IFT22: variants seen among roughly 807,000 people sequenced by gnomAD.
IFT22 encodes intraflagellar transport protein 22 homolog.
Under a neutral mutation model 21.0 loss-of-function variants are expected in IFT22, and 13 were observed. The observed-to-expected ratio is 0.62, with a 90% CI of 0.40 to 0.98. The LOEUF (loss-of-function observed/expected upper bound fraction) is 0.98. IFT22 is among the 50% of genes least tolerant of loss of function. IFT22 has a pLI of 0.00. For synonymous variants in IFT22, 67 were observed against 82.4 expected (o/e 0.81, Z 1.01); for missense variants, 227 against 228.9 (o/e 0.99, Z 0.06).
intron 4 of IFT22, chr7:101,315,686 G>C: frequency 4.6e-6 from 1 of 215,524 alleles, no homozygotes. Flanking sequence ...TTCCCACTCT[G>C]TATTCTGCTC....
At chr7:101,318,578 T>A in intron 2 of IFT22, 1 of 269,978 alleles carries the variant, frequency 3.7e-6, no homozygotes. Context: ...ACTTTTGGAA[T>A]GCCAACAGCA....
At chr7:101,318,093 G>T in intron 3 of IFT22, 31 bp downstream of exon 3, 1 of 1,580,424 alleles carries the variant, frequency 6.3e-7, no homozygotes, top group Non-Finnish European at 8.7e-7. Context: ...TAAACCATTT[G>T]ATGAAGTGAC....
chr7:101,315,447 C>T (rs374004645), intron 4 of IFT22, 165 bp from the exon 5 acceptor site: 13 of 706,036 alleles, frequency 1.8e-5, no homozygotes, highest in Admixed American at 1.1e-4. Flanking sequence ...TGCCCCCTGG[C>T]GACAGGATGA....
At position 101,310,933 on chromosome 7, in the gene IFT22, C is replaced by T. The variant is rs568873769; in HGVS notation, c.*4201G>A. Reference sequence around the variant, plus strand: ...AAAATCTGAAGGCTTTTACTCAATTCAAATATTTAATGGGTTGTACTCTGG... The same window carrying T: ...AAAATCTGAAGGCTTTTACTCAATTTAAATATTTAATGGGTTGTACTCTGG... On this transcript the variant is annotated 3_prime_UTR_variant, in exon 5 of 5. Coordinates refer to ENST00000315322, the MANE Select transcript of IFT22 (RefSeq NM_022777.4). The T allele has an allele frequency of 2.6e-6, 1 of 383,190 alleles. No individual in the cohort carries two copies. The highest frequency in any genetic ancestry group is 1.9e-5 in the South Asian group (1 of 52,602). The allele number at this position is 383,190 out of a possible 1,614,324, so 23.7% of individuals were successfully genotyped here.
Position 101,318,170 on chromosome 7 carries a change from C to G in IFT22, c.160G>C (p.Gly54Arg), listed in dbSNP as rs1790218502. The G allele has an allele frequency of 6.2e-7, 1 of 1,613,378 alleles. No homozygotes were observed. The highest frequency in any genetic ancestry group is 8.5e-7 in the Non-Finnish European group (1 of 1,179,576). The change falls in exon 3 of 5, where the codon GGC becomes CGC. Residue 54 changes from glycine to arginine, a missense_variant. Gly to Arg is a moderately radical substitution (Grantham distance 125). Transcript: ENST00000315322. ...ENPHVTSNNKGTGCEFELWDC... is the reference protein window; with the variant it reads ...ENPHVTSNNKRTGCEFELWDC... ...CATAGCTCGAATTCACAGCCCGTGC[C>G]TTTGTTGTTGCTGGTAACATGCGGG...
chr7:101,321,412 G>A (rs1790343672), intron 1 of IFT22: 5 of 507,960 alleles, frequency 9.8e-6, no homozygotes, highest in Admixed American at 3.8e-5. Context: ...TGGTTCCAAT[G>A]ATGCCACTCA....
At chr7:101,316,598 T>G in intron 3 of IFT22, 56 bp from the exon 4 acceptor site, 1 of 1,564,682 alleles carries the variant, frequency 6.4e-7, no homozygotes, top group Middle Eastern at 1.7e-4. Context: ...TTTCTAACTG[T>G]GGACTTTAAA....
chr7:101,321,136 CTG>C (rs1790333648), intron 1 of IFT22, among the ~76,000 whole-genome samples: 1 of 151,968 alleles, frequency 6.6e-6, no homozygotes, highest in Non-Finnish European at 1.5e-5. Flanking sequence ...GGGCGAGACT[CTG>C]TCTCAAAAAA....
intron 1 of IFT22, among the ~76,000 whole-genome samples, chr7:101,320,722 G>A (rs1790316770): frequency 6.6e-6 from 1 of 152,106 alleles, no homozygotes; most frequent in Admixed American, 6.6e-5. Context: ...AAACGCCCAG[G>A]ACTCGAGCAA....
Position 101,311,308 on chromosome 7 carries a change from G to C in IFT22, c.*3826C>G, listed in dbSNP as rs1247402302. Reference sequence around the variant, plus strand: ...GCCTGGCCTTGGGTTGTTATACTGGGGTCTTGAATAATCATTAAAGGTGAA... The same window carrying C: ...GCCTGGCCTTGGGTTGTTATACTGGCGTCTTGAATAATCATTAAAGGTGAA... On this transcript the variant is annotated 3_prime_UTR_variant, in exon 5 of 5. Coordinates refer to ENST00000315322, the MANE Select transcript of IFT22 (RefSeq NM_022777.4). 6.6e-6 allele frequency among the ~76,000 whole-genome samples: 1 copy of C among 151,972 alleles called. No homozygotes were observed. The highest frequency in any genetic ancestry group is 2.4e-5 in the African/African-American group (1 of 41,378).
In IFT22 at chr7:101,313,121, A is replaced by G. The variant is rs190943956; in HGVS notation, c.*2013T>C. On this transcript the variant is annotated 3_prime_UTR_variant, in exon 5 of 5. Coordinates refer to ENST00000315322, the MANE Select transcript of IFT22 (RefSeq NM_022777.4). ...AGTGTTGGGATTACAGGCGTAAGCC[A>G]CTGCACCCGGCCTCCAGGCTCAAGC... Among the ~76,000 whole-genome samples, 23 of 152,318 alleles carry G rather than the reference A, an allele frequency of 1.5e-4. No individual in the cohort carries two copies. The highest frequency in any genetic ancestry group is 2.6e-4 in the Non-Finnish European group (18 of 68,036).
intron 1 of IFT22, among the ~76,000 whole-genome samples, chr7:101,320,673 A>G (rs552826534): frequency 2.0e-5 from 3 of 150,712 alleles, no homozygotes; most frequent in Non-Finnish European, 2.9e-5. Context: ...CGCCCCCAAC[A>G]CACACATTAA....
chr7:101,315,353 CT>C (rs1174865991), intron 4 of IFT22, 71 bp from the exon 5 acceptor site: 4 of 1,511,910 alleles, frequency 2.6e-6, no homozygotes, highest in Non-Finnish European at 3.6e-6. Flanking sequence ...CCCAATGAAA[CT>C]TCTAGAAGAA....
rs1168438614 is a variant in IFT22 at position 101,316,555 on chromosome 7, A to G, written c.207-13T>C. On this transcript the variant is annotated splice_polypyrimidine_tract_variant and intron_variant, in intron 3 of 4. Coordinates refer to ENST00000315322, the MANE Select transcript of IFT22 (RefSeq NM_022777.4). ...GCAGGACTCAAACCTGCGAGGAAGA[A>G]AAGGAACAACAGGGAAAGTTAGGTC... 1 of 1,613,380 alleles carries G rather than the reference A, an allele frequency of 6.2e-7. No homozygotes were observed. Among genetic ancestry groups the G allele is most frequent in the Admixed American group, 1.7e-5 (1 of 59,978 alleles).
rs982830780 is a variant in IFT22 at position 101,316,408 on chromosome 7, TC to T, written c.340del (p.Asp114ThrfsTer6). On this transcript the variant is annotated frameshift_variant, in exon 4 of 5. Transcript: ENST00000315322. LOFTEE classifies it high-confidence loss of function. ...SCFVQQPSLQ[D>X]TQCMLIAHHK... The stretch of plus-strand genomic sequence containing the variant: ...GTGTGCAATTAGCATACACTGTGTG[TC>T]CTGTAAGGACGGCTGTTGGACAAAG... 6.2e-7 allele frequency: 1 copy of T among 1,614,156 alleles called. No individual in the cohort carries two copies. Among genetic ancestry groups the T allele is most frequent in the African/African-American group, 1.3e-5 (1 of 75,028 alleles).
Position 101,312,533 on chromosome 7 carries a change from G to GTTTTTTTTTT in IFT22, c.*2591_*2600dup, listed in dbSNP as rs386410832. Reference sequence around the variant, plus strand: ...TAAATATAATGTTTTGGAGAGAGTTGTTTTTTTTTTTTTTTTTTTTGTGAC... The same window carrying GTTTTTTTTTT: ...TAAATATAATGTTTTGGAGAGAGTTGTTTTTTTTTTTTTTTTTTTTTTTTTTTTTTGTGAC... On this transcript the variant is annotated 3_prime_UTR_variant, in exon 5 of 5. Coordinates refer to ENST00000315322, the MANE Select transcript of IFT22 (RefSeq NM_022777.4). Among the ~76,000 whole-genome samples, 3 of 114,620 alleles carry GTTTTTTTTTT rather than the reference G, an allele frequency of 2.6e-5. No individual in the cohort carries two copies. Among genetic ancestry groups the GTTTTTTTTTT allele is most frequent in the Non-Finnish European group, 1.7e-5 (1 of 58,238 alleles). The allele number at this position is 114,620 out of a possible 152,430, so 75.2% of individuals were successfully genotyped here.
At chr7:101,319,967 T>G (rs1416092507) in intron 1 of IFT22, among the ~76,000 whole-genome samples, 1 of 151,792 alleles carries the variant, frequency 6.6e-6, no homozygotes, top group Admixed American at 6.6e-5. Context: ...TTATTTTATT[T>G]TTTTTTTAGA....
rs1328032371 is a variant in IFT22 at position 101,311,836 on chromosome 7, C to T, written c.*3298G>A. ...ACCAGCCTGGCCAAGATGGTGAAAC[C>T]GTCTCTACTAAAAATACAAAAATTA... On this transcript the variant is annotated 3_prime_UTR_variant, in exon 5 of 5. Coordinates refer to ENST00000315322, the MANE Select transcript of IFT22 (RefSeq NM_022777.4). Among the ~76,000 whole-genome samples the T allele has an allele frequency of 6.6e-6, 1 of 151,020 alleles. No homozygotes were observed. Among genetic ancestry groups the T allele is most frequent in the African/African-American group, 2.4e-5 (1 of 41,038 alleles).
rs952025877 is a variant in IFT22, at chr7:101,313,747, C to G, written c.*1387G>C. ...GTAGGCAAATTCTCAAATACAAAATCTATGAATAAGGATCAAGTATACGTT... is the reference window on the plus strand; with the variant it reads ...GTAGGCAAATTCTCAAATACAAAATGTATGAATAAGGATCAAGTATACGTT... On this transcript the variant is annotated 3_prime_UTR_variant, in exon 5 of 5. Coordinates refer to ENST00000315322, the MANE Select transcript of IFT22 (RefSeq NM_022777.4). 1 of 152,214 alleles carries G rather than the reference C, an allele frequency of 6.6e-6. No individual in the cohort carries two copies. Among genetic ancestry groups the G allele is most frequent in the East Asian group, 1.9e-4 (1 of 5,206 alleles). The allele number at this position is 152,214 out of a possible 1,614,324, so 9.4% of individuals were successfully genotyped here.
Sources: allele counts gnomAD v4.1 joint callset (sites outside exome capture counted in the v4.1 genomes callset), GRCh38; gene constraint gnomAD v4.1.1; transcripts MANE v1.5; gene names NCBI Gene and HGNC (gene_info 2026-07-23, HGNC 2026-07-21).